SNX25: variants seen among roughly 807,000 people sequenced by gnomAD.
SNX25 encodes sorting nexin-25.
In SNX25, 62 loss-of-function variants were observed where a neutral mutation model predicts 113.7. The observed-to-expected ratio is 0.55, with a 90% CI of 0.44 to 0.67. SNX25 has a LOEUF of 0.67. Among genes scored for constraint, SNX25 ranks in the 30% least tolerant of loss-of-function variants. The pLI is 0.00. For synonymous variants in SNX25, 421 were observed against 436.2 expected, an observed-to-expected ratio of 0.97 and a Z score of 0.43; for missense variants, 1,014 against 1,161.0, an observed-to-expected ratio of 0.87 and a Z score of 1.84.
intron 5 of SNX25, among the ~76,000 whole-genome samples, chr4:185,287,345 A>T (rs1445742087): frequency 6.6e-6 from 1 of 152,170 alleles, no homozygotes; most frequent in Admixed American, 6.5e-5. Context: ...AAAAATACTG[A>T]TGCGAGTCCT....
the SNX25 span, chr4:185,376,829 G>C: frequency 1.0e-6 from 1 of 960,660 alleles, no homozygotes; most frequent in South Asian, 1.4e-5. Context: ...AACACAGTAA[G>C]AAACTCTACA....
chr4:185,375,455 CAAAAAAAAAAAAAAAA>C, the SNX25 span, among the ~76,000 whole-genome samples: 3 of 14,768 alleles, frequency 2.0e-4, no homozygotes, highest in East Asian at 4.5e-3. Flanking sequence ...GACTCCGTCT[CAAAAAAAAAAAAAAAA>C]AAAAAAAAAA....
intron 1 of SNX25, among the ~76,000 whole-genome samples, chr4:185,224,507 A>G (rs1326725862): frequency 1.6e-5 from 2 of 127,186 alleles, no homozygotes; most frequent in African/African-American, 3.0e-5. Context: ...ATATAAATAT[A>G]TAGATATATA....
intron 17 of SNX25, 134 bp downstream of exon 17, chr4:185,362,239 C>G: frequency 7.2e-7 from 1 of 1,380,482 alleles, no homozygotes; most frequent in South Asian, 1.9e-5. Flanking sequence ...TCTTTTAAGC[C>G]ATTTTTTGTC....
chr4:185,330,507 A>G (rs149798792), intron 9 of SNX25, among the ~76,000 whole-genome samples: 45 of 152,344 alleles, frequency 3.0e-4, no homozygotes, highest in Admixed American at 1.2e-3. Context: ...TAAGCCACAC[A>G]TTAAGTCTAG....
chr4:185,230,850 G>A (rs1344207994), intron 1 of SNX25, among the ~76,000 whole-genome samples: 3 of 152,108 alleles, frequency 2.0e-5, no homozygotes, highest in Admixed American at 6.5e-5. Flanking sequence ...GAATATAAGG[G>A]AATAGTGTCT....
At chr4:185,325,455 C>A (rs931315362) in intron 9 of SNX25, among the ~76,000 whole-genome samples, 1 of 151,434 alleles carries the variant, frequency 6.6e-6, no homozygotes, top group African/African-American at 2.4e-5. Context: ...ATCACTTGAA[C>A]CCGCGAGGCA....
Position 185,211,561 on chromosome 4 carries a change from A to T in SNX25, c.429+1306A>T, listed in dbSNP as rs892806966. Among the ~76,000 whole-genome samples the T allele has an allele frequency of 3.9e-5, 6 of 152,160 alleles. 1 individual carries two copies. The highest frequency in any genetic ancestry group is 1.4e-4 in the African/African-American group (6 of 41,440). ...TGTCTTAGTTCTTGAGTACTGTAAG[A>T]TGTTATAATTCATTCGGTAAATATT... is the stretch of plus-strand genomic sequence containing the variant. On this transcript the variant is annotated intron_variant, in intron 1 of 18. Transcript: ENST00000652585.
intron 8 of SNX25, among the ~76,000 whole-genome samples, chr4:185,323,042 A>C (rs1466941071): frequency 6.6e-6 from 1 of 152,228 alleles, no homozygotes; most frequent in Non-Finnish European, 1.5e-5. Flanking sequence ...AAGCTGTCTA[A>C]TATAAGCTTG....
intron 7 of SNX25, among the ~76,000 whole-genome samples, chr4:185,312,328 T>G (rs995603461): frequency 6.6e-6 from 1 of 152,156 alleles, no homozygotes; most frequent in African/African-American, 2.4e-5. Flanking sequence ...GATAAATACC[T>G]AGGAGAAGCA....
Position 185,302,136 on chromosome 4 carries a change from A to G in SNX25, c.1163-8499A>G, listed in dbSNP as rs1161111180. Among the ~76,000 whole-genome samples, 3 of 141,048 alleles carry G rather than the reference A, an allele frequency of 2.1e-5. No individual in the cohort carries two copies. In the East Asian group the frequency reaches 6.3e-4, roughly 30 times the overall value. 92.5% of individuals were successfully genotyped at this position (141,048 alleles called of 152,430 possible). ...TTTTTAGTAGAGACAGGGTTTCACT[A>G]TGTTGGTTAGGCTGGTCTCGAACTC... On this transcript the variant is annotated intron_variant, in intron 6 of 18. Coordinates refer to ENST00000652585, the MANE Select transcript of SNX25 (RefSeq NM_001378034.2).
intron 13 of SNX25, 98 bp downstream of exon 13, chr4:185,346,748 C>T (rs982298388): frequency 5.3e-6 from 4 of 750,252 alleles, no homozygotes; most frequent in East Asian, 2.9e-5. Flanking sequence ...TTTTTGTTCT[C>T]ACAAGCCATG....
At chr4:185,259,357 T>C (rs981823887) in intron 3 of SNX25, among the ~76,000 whole-genome samples, 3 of 152,124 alleles carry the variant, frequency 2.0e-5, no homozygotes, top group Non-Finnish European at 4.4e-5. Context: ...AAATAAAAAA[T>C]TTAAATGTAG....
Position 185,263,847 on chromosome 4 carries a change from A to G in SNX25, c.732-591A>G, listed in dbSNP as rs904718909. ...CTGTTTTCCAGTCCTCTTCACTCAG[A>G]TCCTCCAAATTAATGTTCCTGGGAT... On this transcript the variant is annotated intron_variant, in intron 3 of 18. Coordinates refer to ENST00000652585, the MANE Select transcript of SNX25 (RefSeq NM_001378034.2). Among the ~76,000 whole-genome samples the G allele has an allele frequency of 2.6e-5, 4 of 152,330 alleles. No homozygotes were observed. In the South Asian group the frequency reaches 8.3e-4, roughly 32 times the overall value.
chr4:185,360,930 A>AATATATAT (rs3047488), intron 16 of SNX25, among the ~76,000 whole-genome samples: 2 of 139,610 alleles, frequency 1.4e-5, no homozygotes, highest in African/African-American at 5.5e-5. Context: ...AAAAAAAAAT[A>AATATATAT]ATATATATAT....
At chr4:185,320,253 A>G (rs1478348106) in intron 7 of SNX25, among the ~76,000 whole-genome samples, 1 of 152,242 alleles carries the variant, frequency 6.6e-6, no homozygotes, top group Non-Finnish European at 1.5e-5. Flanking sequence ...TAGACTAGAT[A>G]AAGAAAATGT....
At chr4:185,220,205 T>C (rs1739561113) in intron 1 of SNX25, among the ~76,000 whole-genome samples, 1 of 152,220 alleles carries the variant, frequency 6.6e-6, no homozygotes, top group African/African-American at 2.4e-5. Flanking sequence ...GCAGTCCCAG[T>C]GGTACCCGAA....
At chr4:185,373,279 C>T (rs1383420704), downstream of SNX25, among the ~76,000 whole-genome samples, 1 of 152,172 alleles carries the variant, frequency 6.6e-6, no homozygotes, top group African/African-American at 2.4e-5. Flanking sequence ...GCTGTCTGTC[C>T]ACAGTGCAGG....
At chr4:185,366,071 C>A (rs2095387133), downstream of SNX25, 1 of 152,154 alleles carries the variant, frequency 6.6e-6, no homozygotes, top group East Asian at 1.9e-4. Context: ...AAAGCCACAT[C>A]CTTTAATATG....
Sources: gnomAD v4.1 joint callset for allele counts (sites outside exome capture counted in the v4.1 genomes callset) on GRCh38, gnomAD v4.1.1 for gene constraint, MANE v1.5 for transcripts, NCBI Gene and HGNC (gene_info 2026-07-23, HGNC 2026-07-21) for gene names.